Variants in UMAD1 observed in about 807,000 individuals in gnomAD.
The protein encoded by UMAD1 is UBAP1-MVB12-associated (UMA)-domain containing protein 1.
In UMAD1, 8 loss-of-function variants were observed where a neutral mutation model predicts 6.1. The ratio of observed to expected loss-of-function variants is 1.30; its 90% CI spans 0.76 to 2.35. The LOEUF is 2.35. Among genes scored for constraint, UMAD1 ranks in the 30% most tolerant of loss-of-function variants. The pLI is 0.00. For missense variants in UMAD1, 130 were observed against 78.4 expected (o/e 1.66, Z -2.49); for synonymous variants, 56 against 31.4 (o/e 1.78, Z -2.61).
chr7:7,685,403 G>A (rs1166848437), intron 2 of UMAD1, among the ~76,000 whole-genome samples: 1 of 151,002 alleles, frequency 6.6e-6, no homozygotes, highest in East Asian at 2.0e-4. Flanking sequence ...TCTGCCTCAT[G>A]GGTTCAAGCG....
chr7:7,737,514 G>T (rs1583786877), intron 2 of UMAD1, among the ~76,000 whole-genome samples: 2 of 151,940 alleles, frequency 1.3e-5, no homozygotes, highest in East Asian at 3.8e-4. Context: ...AGGATTAAAA[G>T]CCTGGAGAAA....
chr7:7,843,706 A>G (rs1034811905), intron 3 of UMAD1, among the ~76,000 whole-genome samples: 3 of 152,168 alleles, frequency 2.0e-5, no homozygotes, highest in East Asian at 1.9e-4. Flanking sequence ...AAGAGTTGCT[A>G]TGTTTTCTGC....
chr7:7,779,291 T>TA (rs397687379), intron 2 of UMAD1, among the ~76,000 whole-genome samples: 14 of 152,258 alleles, frequency 9.2e-5, no homozygotes, highest in African/African-American at 2.9e-4. Context: ...ATCTTTTTTT[T>TA]AAAAAGAGAT....
At chr7:7,857,968 A>G (rs1784050688) in intron 3 of UMAD1, among the ~76,000 whole-genome samples, 2 of 152,162 alleles carry the variant, frequency 1.3e-5, no homozygotes, top group African/African-American at 2.4e-5. Flanking sequence ...ATGTCCTTAT[A>G]CTCTGTTGGA....
intron 3 of UMAD1, among the ~76,000 whole-genome samples, chr7:7,851,417 A>G (rs1387353524): frequency 1.3e-5 from 2 of 152,188 alleles, no homozygotes; most frequent in South Asian, 2.1e-4. Context: ...TTTTTGATAC[A>G]TACCTAGGAG....
At chr7:7,734,522 C>T (rs923838609) in intron 2 of UMAD1, among the ~76,000 whole-genome samples, 1 of 152,152 alleles carries the variant, frequency 6.6e-6, no homozygotes, top group Non-Finnish European at 1.5e-5. Flanking sequence ...TCTCCCTATT[C>T]AGTGTTCACC....
intron 2 of UMAD1, among the ~76,000 whole-genome samples, chr7:7,791,416 A>G (rs1782564784): frequency 6.6e-6 from 1 of 152,206 alleles, no homozygotes; most frequent in Non-Finnish European, 1.5e-5. Context: ...TTACTCTGAC[A>G]TGGGAAAGAT....
intron 2 of UMAD1, among the ~76,000 whole-genome samples, chr7:7,720,151 T>C (rs1255178996): frequency 6.6e-6 from 1 of 152,192 alleles, no homozygotes. Flanking sequence ...AGAAGTAGAA[T>C]ACTTAGAAAT....
chr7:7,717,563 C>G (rs28912676), intron 2 of UMAD1, among the ~76,000 whole-genome samples: 1,610 of 152,134 alleles, frequency 0.011, 23 homozygotes, highest in African/African-American at 0.034. Flanking sequence ...TTATGATTTC[C>G]CACTTTAACT....
chr7:7,703,103 A>G (rs1036916005), intron 2 of UMAD1, among the ~76,000 whole-genome samples: 10 of 152,172 alleles, frequency 6.6e-5, no homozygotes, highest in South Asian at 4.1e-4. Flanking sequence ...CCAAACCTTC[A>G]CTGAATGACT....
intron 2 of UMAD1, among the ~76,000 whole-genome samples, chr7:7,722,133 C>A (rs1267632542): frequency 6.7e-6 from 1 of 148,672 alleles, no homozygotes; most frequent in African/African-American, 2.5e-5. Flanking sequence ...GTTTAATACT[C>A]CTTAATAAAC....
intron 2 of UMAD1, among the ~76,000 whole-genome samples, chr7:7,713,865 C>G (rs1489801998): frequency 1.3e-5 from 2 of 152,118 alleles, no homozygotes; most frequent in Non-Finnish European, 2.9e-5. Flanking sequence ...GGGTCTCACT[C>G]TGTCACCCAG....
chr7:7,673,492 T>C lies in UMAD1; in HGVS notation c.82+39T>C, dbSNP rs528411591. On this transcript the variant is annotated intron_variant, in intron 2 of 3. Transcript: ENST00000682710. ...AGAAACAAAATAATTAGATGAATTATGTTCTCTTTAAAAAATTACTTGAAA... is the reference window on the plus strand; with the variant it reads ...AGAAACAAAATAATTAGATGAATTACGTTCTCTTTAAAAAATTACTTGAAA... The C allele has an allele frequency of 8.7e-4, 604 of 697,144 alleles. 8 individuals are homozygous for C. The South Asian group carries it at 9.4e-3, about 11-fold the overall frequency. 43.2% of individuals were successfully genotyped at this position (697,144 alleles called of 1,614,324 possible).
chr7:7,645,326 C>G (rs1246850022), intron 1 of UMAD1, among the ~76,000 whole-genome samples: 2 of 152,162 alleles, frequency 1.3e-5, no homozygotes, highest in South Asian at 4.1e-4. Flanking sequence ...TGCACAAACG[C>G]TTATTCTCAC....
chr7:7,851,296 T>C (rs1476140574), intron 3 of UMAD1, among the ~76,000 whole-genome samples: 1 of 152,236 alleles, frequency 6.6e-6, no homozygotes, highest in East Asian at 1.9e-4. Flanking sequence ...ATTTTGTTTA[T>C]CTATTCATCA....
At chr7:7,860,620 A>AAAAAAAAAAAAAAAC (rs1784097744) in intron 3 of UMAD1, among the ~76,000 whole-genome samples, 1 of 150,056 alleles carries the variant, frequency 6.7e-6, no homozygotes, top group Non-Finnish European at 1.5e-5. Context: ...AAAAAAAAAA[A>AAAAAAAAAAAAAAAC]AAAAAATTAG....
chr7:7,708,631 C>A (rs1780669614), intron 2 of UMAD1, among the ~76,000 whole-genome samples: 2 of 152,136 alleles, frequency 1.3e-5, no homozygotes, highest in South Asian at 2.1e-4. Flanking sequence ...AAAATAGAAG[C>A]AAATTCCATT....
At chr7:7,676,008 G>A in intron 2 of UMAD1, 1 of 396,338 alleles carries the variant, frequency 2.5e-6, no homozygotes, top group Non-Finnish European at 4.4e-6. Flanking sequence ...CTCTCCTGAA[G>A]TTTTGATGGT....
intron 3 of UMAD1, among the ~76,000 whole-genome samples, chr7:7,839,812 G>C (rs1783643309): frequency 6.6e-6 from 1 of 152,138 alleles, no homozygotes; most frequent in Non-Finnish European, 1.5e-5. Flanking sequence ...GTTTGTTTGT[G>C]GGAAGATGAA....
Sources: gnomAD v4.1 joint callset for allele counts (sites outside exome capture counted in the v4.1 genomes callset) on GRCh38, gnomAD v4.1.1 for gene constraint, MANE v1.5 for transcripts, NCBI Gene and HGNC (gene_info 2026-07-23, HGNC 2026-07-21) for gene names.